The following RAPGEF6 variants were observed in gnomAD, a reference collection of about 807,000 sequenced individuals.
RAPGEF6 encodes Rap guanine nucleotide exchange factor 6.
In RAPGEF6, 56 loss-of-function variants were observed where a neutral mutation model predicts 171.4. The ratio of observed to expected loss-of-function variants is 0.33; its 90% CI spans 0.26 to 0.41. The LOEUF (loss-of-function observed/expected upper bound fraction) is 0.41, where lower values mean the gene tolerates loss of function less well. Among genes scored for constraint, RAPGEF6 ranks in the 10% least tolerant of loss-of-function variants. The pLI is 1.00. For synonymous variants in RAPGEF6, 692 were observed against 650.1 expected (o/e 1.06, Z -0.98); for missense variants, 1,674 against 1,921.4 (o/e 0.87, Z 2.41).
chr5:131,510,341 G>T lies in RAPGEF6; in HGVS notation c.778C>A (p.Pro260Thr). 1 of 1,613,586 alleles carries T rather than the reference G, an allele frequency of 6.2e-7. No individual in the cohort carries two copies. The highest frequency in any genetic ancestry group is 1.7e-4 in the Middle Eastern group (1 of 6,056). The change falls in exon 8 of 28, where the codon CCT (proline) becomes ACT (threonine). Residue 260 changes from proline to threonine, a missense_variant. By Grantham distance (38) the Pro-to-Thr change is conservative. Around this residue, in one of 3 missense-constraint regions of RAPGEF6, gnomAD observed 1,116 missense variants for 1,321.5 expected, o/e 0.84. Transcript: ENST00000509018. The stretch of plus-strand genomic sequence containing the variant: ...ATGTCATCATCAGTTTTGTCTGCAG[G>T]TTCTTTTTCAAGACATTCTCGAACA... ...DLVRECLEKE[P>T]ADKTDDDIEQ...
chr5:131,629,406 A>T (rs1766153000), intron 1 of RAPGEF6, among the ~76,000 whole-genome samples: 1 of 152,094 alleles, frequency 6.6e-6, no homozygotes, highest in Non-Finnish European at 1.5e-5. Context: ...TTTATGAATG[A>T]CTTTGAAGGG....
At chr5:131,460,208 C>T (rs1753818419) in intron 19 of RAPGEF6, among the ~76,000 whole-genome samples, 1 of 152,172 alleles carries the variant, frequency 6.6e-6, no homozygotes, top group African/African-American at 2.4e-5. Context: ...TATCCACTCC[C>T]TTCTTTGGGC....
Position 131,479,545 on chromosome 5 carries a change from T to C in RAPGEF6, c.2049A>G (p.Thr683=). ...RNKIRKILDK[T]RFSILPPKLF... ...GCTTTGGAGGCAAGATACTAAATCGTGTTTTATCCAAAATCTTCCTGATTT... is the reference window on the plus strand; with the variant it reads ...GCTTTGGAGGCAAGATACTAAATCGCGTTTTATCCAAAATCTTCCTGATTT... Residue 683 remains threonine (T), a synonymous_variant, in exon 16 of 28, where the codon ACA becomes ACG. Coordinates refer to ENST00000509018, the MANE Select transcript of RAPGEF6 (RefSeq NM_016340.6). 1 of 1,614,016 alleles carries C rather than the reference T, an allele frequency of 6.2e-7. No homozygotes were observed. Among genetic ancestry groups the C allele is most frequent in the South Asian group, 1.1e-5 (1 of 91,074 alleles).
chr5:131,540,465 C>T (rs1232834638), intron 6 of RAPGEF6, among the ~76,000 whole-genome samples: 1 of 152,120 alleles, frequency 6.6e-6, no homozygotes, highest in African/African-American at 2.4e-5. Context: ...ACTCAGGAGG[C>T]TAAGGCAGGT....
chr5:131,569,700 A>G (rs994774614), intron 4 of RAPGEF6, among the ~76,000 whole-genome samples: 1 of 152,198 alleles, frequency 6.6e-6, no homozygotes, highest in African/African-American at 2.4e-5. Context: ...ACCTTAAAGT[A>G]GATATCATCA....
At chr5:131,578,045 C>T (rs1290669124) in intron 4 of RAPGEF6, among the ~76,000 whole-genome samples, 4 of 152,200 alleles carry the variant, frequency 2.6e-5, no homozygotes, top group South Asian at 2.1e-4. Context: ...TTTACACTGC[C>T]GGTTTACACT....
chr5:131,526,794 T>C (rs1416200448), intron 6 of RAPGEF6, among the ~76,000 whole-genome samples: 1 of 152,202 alleles, frequency 6.6e-6, no homozygotes, highest in Admixed American at 6.5e-5. Flanking sequence ...CCATTTCCTA[T>C]ATCTGAACTT....
chr5:131,567,184 T>C (rs1158974439), intron 4 of RAPGEF6, among the ~76,000 whole-genome samples: 2 of 152,156 alleles, frequency 1.3e-5, no homozygotes, highest in Non-Finnish European at 2.9e-5. Context: ...GAAATTTGTA[T>C]CTTTTTTTTC....
Position 131,548,078 on chromosome 5 carries a change from G to T in RAPGEF6, c.464C>A (p.Thr155Asn), listed in dbSNP as rs751267950. Residue 155 changes from threonine to asparagine, a missense_variant, in exon 6 of 28, where the codon ACT becomes AAT. Physicochemically the swap from Thr to Asn is moderately conservative, Grantham distance 65. This residue lies in a region of RAPGEF6 where 1,116 missense variants were observed against 1,321.5 expected (regional missense o/e 0.84). Transcript: ENST00000509018. Reference protein sequence around the residue: ...INYKGERQTITDDVEVNSYLS... With the variant: ...INYKGERQTINDDVEVNSYLS... The stretch of plus-strand genomic sequence containing the variant: ...ATAGCTGTTAACCTCCACATCATCA[G>T]TAATGGTTTGGCGCTCTCCTTTATA... The T allele has an allele frequency of 2.5e-6, 4 of 1,613,906 alleles. No homozygotes were observed. The highest frequency in any genetic ancestry group is 3.4e-6 in the Non-Finnish European group (4 of 1,179,932).
At chr5:131,630,973 T>C (rs949420171) in intron 1 of RAPGEF6, among the ~76,000 whole-genome samples, 11 of 152,226 alleles carry the variant, frequency 7.2e-5, no homozygotes, top group East Asian at 5.8e-4. Context: ...ATTTGGCTTC[T>C]AGGGCACCAC....
intron 1 of RAPGEF6, among the ~76,000 whole-genome samples, chr5:131,621,201 A>T (rs1468033262): frequency 6.6e-6 from 1 of 152,192 alleles, no homozygotes; most frequent in Non-Finnish European, 1.5e-5. Context: ...GCCTTTGTGG[A>T]TATCAAAACC....
chr5:131,621,049 C>T (rs1013305444), intron 1 of RAPGEF6, among the ~76,000 whole-genome samples: 3 of 152,216 alleles, frequency 2.0e-5, no homozygotes, highest in Admixed American at 1.3e-4. Context: ...GTTCCAGCTG[C>T]CTAGGCAACT....
At chr5:131,557,747 T>C (rs1184967254) in intron 5 of RAPGEF6, among the ~76,000 whole-genome samples, 1 of 152,194 alleles carries the variant, frequency 6.6e-6, no homozygotes, top group Non-Finnish European at 1.5e-5. Flanking sequence ...ATCAAGAGCT[T>C]TTTCTGCATC....
rs557615857 is a variant in RAPGEF6, at chr5:131,507,975, A to G, written c.942+96T>C. 1.1e-4 allele frequency: 131 copies of G among 1,143,814 alleles called. No individual in the cohort carries two copies. In the African/African-American group the frequency reaches 2.0e-3, roughly 18 times the overall value. 70.9% of individuals were successfully genotyped at this position (1,143,814 alleles called of 1,614,324 possible). A position where few individuals can be genotyped will look rare whatever the true frequency, so the allele number is the denominator to read the frequency against. On this transcript the variant is annotated intron_variant, in intron 9 of 27. Coordinates refer to ENST00000509018, the MANE Select transcript of RAPGEF6 (RefSeq NM_016340.6). Reference sequence around the variant, plus strand: ...TTAAGAAATCTGTATAAATTTCAAAAATCAGTACTCAAAAATCAGGACAAA... The same window carrying G: ...TTAAGAAATCTGTATAAATTTCAAAGATCAGTACTCAAAAATCAGGACAAA...
At chr5:131,527,488 T>C (rs1194446346) in intron 6 of RAPGEF6, among the ~76,000 whole-genome samples, 2 of 152,118 alleles carry the variant, frequency 1.3e-5, no homozygotes, top group Non-Finnish European at 2.9e-5. Context: ...GGTATAAACA[T>C]TTTGGACAAC....
intron 3 of RAPGEF6, among the ~76,000 whole-genome samples, chr5:131,600,284 G>A (rs1037587499): frequency 1.3e-5 from 2 of 152,188 alleles, no homozygotes; most frequent in East Asian, 3.9e-4. Flanking sequence ...CACTTTGGGA[G>A]GCCGAGGCAG....
intron 7 of RAPGEF6, among the ~76,000 whole-genome samples, chr5:131,512,343 A>G (rs1757788929): frequency 6.6e-6 from 1 of 150,830 alleles, no homozygotes; most frequent in Non-Finnish European, 1.5e-5. Context: ...TGGTCAATAA[A>G]CTAACCTTTT....
intron 1 of RAPGEF6, among the ~76,000 whole-genome samples, chr5:131,608,896 G>A (rs1764772534): frequency 6.6e-6 from 1 of 151,842 alleles, no homozygotes; most frequent in Non-Finnish European, 1.5e-5. Flanking sequence ...TCAGATTCCT[G>A]AGTAGCTGGG....
At chr5:131,503,155 G>C (rs540677988) in intron 11 of RAPGEF6, among the ~76,000 whole-genome samples, 1 of 152,226 alleles carries the variant, frequency 6.6e-6, no homozygotes, top group East Asian at 1.9e-4. Context: ...GGATTCTATG[G>C]TGTTTATGTC....
Sources: gnomAD v4.1 joint callset for allele counts (sites outside exome capture counted in the v4.1 genomes callset) on GRCh38, gnomAD v4.1.1 for gene constraint, gnomAD v4.1.1 regional missense constraint, MANE v1.5 for transcripts, NCBI Gene and HGNC (gene_info 2026-07-23, HGNC 2026-07-21) for gene names.